The following ADGRG2 variants were observed in gnomAD, a reference collection of about 807,000 sequenced individuals.
The protein encoded by ADGRG2 is G protein-coupled receptor 64.
A neutral mutation model predicts 74.1 loss-of-function variants in ADGRG2; 26 were observed. The ratio of observed to expected loss-of-function variants is 0.35; its 90% CI spans 0.26 to 0.49. ADGRG2 has a LOEUF of 0.49. Ranked by LOEUF, ADGRG2 falls within the 20% of genes least tolerant of loss-of-function variation. The pLI is 0.99. For synonymous variants in ADGRG2, 296 were observed against 295.2 expected, an observed-to-expected ratio of 1.00 and a Z score of -0.03; for missense variants, 619 against 763.1, an observed-to-expected ratio of 0.81 and a Z score of 2.22.
chrX:19,113,149 G>A (rs958830833), intron 1 of ADGRG2, among the ~76,000 whole-genome samples: 7 of 108,268 alleles, frequency 6.5e-5, no homozygotes, highest in South Asian at 4.1e-4. Context: ...AGGCTGAGGC[G>A]GGCAGATCAC....
chrX:19,029,592 G>T (rs1200361208), intron 9 of ADGRG2, among the ~76,000 whole-genome samples: 1 of 111,376 alleles, frequency 9.0e-6, no homozygotes, highest in African/African-American at 3.3e-5. Flanking sequence ...TGATGAGGTT[G>T]TTGTCACCGA....
chrX:19,067,600 T>C (rs2061588929), intron 3 of ADGRG2, among the ~76,000 whole-genome samples: 1 of 112,016 alleles, frequency 8.9e-6, no homozygotes, highest in Non-Finnish European at 1.9e-5. Context: ...ATTTCTTTGA[T>C]ATAACACCAA....
chrX:19,100,762 G>C (rs182423585), intron 1 of ADGRG2, among the ~76,000 whole-genome samples: 9 of 113,222 alleles, frequency 7.9e-5, no homozygotes, highest in Admixed American at 5.6e-4. Flanking sequence ...ATGCATGGCT[G>C]AATGAATGGA....
At chrX:19,091,729 A>G (rs1004182609) in intron 1 of ADGRG2, among the ~76,000 whole-genome samples, 1 of 112,372 alleles carries the variant, frequency 8.9e-6, no homozygotes, top group African/African-American at 3.2e-5. Flanking sequence ...GCACAAAAAC[A>G]GCCACAGGCA....
In ADGRG2 at chrX:19,045,294, G is replaced by A. The variant is rs865885227; in HGVS notation, c.119-5070C>T. Among the ~76,000 whole-genome samples, 379 of 95,378 alleles carry A rather than the reference G, an allele frequency of 4.0e-3. 1 individual carries two copies. The highest frequency in any genetic ancestry group is 0.032 in the Middle Eastern group (6 of 189). 82.8% of individuals were successfully genotyped at this position (95,378 alleles called of 115,157 possible). ...ATCGAATACAGAAATGGGGGGTGTTGTTATTATTATTATTATTATTATTAT... is the reference window on the plus strand; with the variant it reads ...ATCGAATACAGAAATGGGGGGTGTTATTATTATTATTATTATTATTATTAT... On this transcript the variant is annotated intron_variant, in intron 3 of 28. Coordinates refer to ENST00000379869, the MANE Select transcript of ADGRG2 (RefSeq NM_001079858.3).
chrX:19,121,722 A>G (rs1280529513), intron 1 of ADGRG2, among the ~76,000 whole-genome samples: 1 of 110,086 alleles, frequency 9.1e-6, no homozygotes, highest in African/African-American at 3.3e-5. Context: ...TATCGTGCAC[A>G]GTACAGACTG....
At chrX:19,025,212 G>A (rs770238608) in intron 11 of ADGRG2, among the ~76,000 whole-genome samples, 43 of 111,520 alleles carry the variant, frequency 3.9e-4, no homozygotes, top group Non-Finnish European at 6.8e-4. Flanking sequence ...TGCAGGGGTT[G>A]CACTGTATTG....
rs2146570207 is a variant in ADGRG2, at chrX:19,010,649, T to A, written c.1229A>T (p.His410Leu). Residue 410 changes from histidine (H) to leucine (L), a missense_variant, in exon 17 of 29, where the codon CAT becomes CTT. Coordinates refer to ENST00000379869, the MANE Select transcript of ADGRG2 (RefSeq NM_001079858.3). Reference protein sequence around the residue: ...EMINQVSRLLHSPPDMLAPLA... With the variant: ...EMINQVSRLLLSPPDMLAPLA... ...AGGGGCCAGCATGTCAGGCGGGGAA[T>A]GAAGGAGTCTGCTGACTTGGTTGAT... 8.3e-7 allele frequency: 1 copy of A among 1,209,492 alleles called. No individual in the cohort carries two copies. Among genetic ancestry groups the A allele is most frequent in the East Asian group, 3.0e-5 (1 of 33,701 alleles).
In ADGRG2 at chrX:19,052,063, C is replaced by T. The variant is rs147314816; in HGVS notation, c.119-11839G>A. On this transcript the variant is annotated intron_variant, in intron 3 of 28. Transcript: ENST00000379869. The stretch of plus-strand genomic sequence containing the variant: ...ATCTTATATTGAATACCCACTATAT[C>T]TGGGGCATGATTGCTAATAATCCTC... Among the ~76,000 whole-genome samples the T allele has an allele frequency of 6.1e-3, 688 of 112,062 alleles. 4 individuals carry two copies. The highest frequency in any genetic ancestry group is 9.9e-3 in the Admixed American group (104 of 10,539).
At chrX:18,997,342 C>T (rs1044516908) in intron 26 of ADGRG2, among the ~76,000 whole-genome samples, 4 of 111,818 alleles carry the variant, frequency 3.6e-5, no homozygotes, top group African/African-American at 1.3e-4. Flanking sequence ...TCCTTTTATC[C>T]ATTCATATTC....
intron 2 of ADGRG2, among the ~76,000 whole-genome samples, chrX:19,082,443 C>T (rs947410813): frequency 3.6e-5 from 4 of 111,592 alleles, no homozygotes; most frequent in Middle Eastern, 4.7e-3. Flanking sequence ...CATTTCTGAA[C>T]GCCCATTCAA....
chrX:19,076,527 G>C (rs1422149787), intron 2 of ADGRG2, among the ~76,000 whole-genome samples: 1 of 112,086 alleles, frequency 8.9e-6, no homozygotes, highest in Non-Finnish European at 1.9e-5. Context: ...CCAGCACTTT[G>C]GGAGGCCGAG....
intron 1 of ADGRG2, among the ~76,000 whole-genome samples, chrX:19,113,833 C>A (rs1215151908): frequency 1.8e-5 from 2 of 111,613 alleles, no homozygotes; most frequent in Non-Finnish European, 3.8e-5. Context: ...CTTTGGGAGA[C>A]TGAGGCAGGC....
At chrX:19,079,325 T>C (rs778106833) in intron 2 of ADGRG2, among the ~76,000 whole-genome samples, 15 of 112,381 alleles carry the variant, frequency 1.3e-4, no homozygotes, top group African/African-American at 2.6e-4. Context: ...TTGCCCATTA[T>C]ATAAATCAAA....
chrX:19,011,614 G>A (rs1301612033), intron 16 of ADGRG2, among the ~76,000 whole-genome samples: 2 of 111,910 alleles, frequency 1.8e-5, no homozygotes, highest in Non-Finnish European at 3.8e-5. Flanking sequence ...CTCTGAGGCA[G>A]GTGGATCACC....
chrX:19,031,054 AC>A lies in ADGRG2; in HGVS notation c.305-18del. ...GTTTGACGCCTGCAAAGAAAACACA[AC>A]CCAGCTGGTTAAGCATGTCAATGCC... On this transcript the variant is annotated intron_variant, in intron 8 of 28. Coordinates refer to ENST00000379869, the MANE Select transcript of ADGRG2 (RefSeq NM_001079858.3). 8.7e-7 allele frequency: 1 copy of A among 1,151,705 alleles called. No homozygotes were observed. Among genetic ancestry groups the A allele is most frequent in the Non-Finnish European group, 1.2e-6 (1 of 841,184 alleles). 94.9% of individuals were successfully genotyped at this position (1,151,705 alleles called of 1,213,427 possible). A position where few individuals can be genotyped will look rare whatever the true frequency, so the allele number is the denominator to read the frequency against.
At position 19,013,959 on chromosome X, in the gene ADGRG2, C is replaced by T. The variant is rs2060411649; in HGVS notation, c.826G>A (p.Ala276Thr). ...RATVLSQVPK[A>T]TSFAEPPDYS... The stretch of plus-strand genomic sequence containing the variant: ...TCTGGAGGCTCAGCAAAAGAGGTAG[C>T]TTTGGGGACCTGGGAAAGCACAGTG... The change falls in exon 16 of 29, where the codon GCT (alanine) becomes ACT (threonine). Residue 276 changes from alanine to threonine, a missense_variant. Ala to Thr is a moderately conservative substitution (Grantham distance 58). This residue lies in a region of ADGRG2 where 292 missense variants were observed against 318.0 expected (regional missense o/e 0.92). Coordinates refer to ENST00000379869, the MANE Select transcript of ADGRG2 (RefSeq NM_001079858.3). 6.6e-6 allele frequency: 8 copies of T among 1,210,715 alleles called. No individual in the cohort carries two copies. The highest frequency in any genetic ancestry group is 3.0e-5 in the East Asian group (1 of 33,808).
At chrX:19,058,196 C>G (rs146720447) in intron 3 of ADGRG2, among the ~76,000 whole-genome samples, 1 of 111,731 alleles carries the variant, frequency 9.0e-6, no homozygotes, top group Non-Finnish European at 1.9e-5. Context: ...GTGCCAGGCA[C>G]GGGGGTTATA....
intron 1 of ADGRG2, among the ~76,000 whole-genome samples, chrX:19,091,492 TCACACACACACACACACACACACACACA>T (rs57540002): frequency 7.3e-5 from 6 of 82,636 alleles, no homozygotes; most frequent in Non-Finnish European, 1.2e-4. Flanking sequence ...AGATTTTATG[TCACACACACACACACACACACACACACA>T]CACACACACA....
Sources: gnomAD v4.1 joint callset for allele counts (sites outside exome capture counted in the v4.1 genomes callset) on GRCh38, gnomAD v4.1.1 for gene constraint, gnomAD v4.1.1 regional missense constraint, MANE v1.5 for transcripts, NCBI Gene and HGNC (gene_info 2026-07-23, HGNC 2026-07-21) for gene names.